Variants in ELOVL5 observed in about 807,000 individuals in gnomAD.
The protein encoded by ELOVL5 is ELOVL fatty acid elongase 5, also known as very long chain fatty acid elongase 5.
Under a neutral mutation model 38.6 loss-of-function variants are expected in ELOVL5, and 8 were observed. That is an observed-to-expected ratio of 0.21 (90% CI 0.12 to 0.37). The LOEUF (loss-of-function observed/expected upper bound fraction) is 0.37, where lower values mean the gene tolerates loss of function less well. ELOVL5 is among the 10% of genes least tolerant of loss of function. The pLI, the probability that ELOVL5 is intolerant of heterozygous loss-of-function variation, is 1.00. For synonymous variants in ELOVL5, 127 were observed against 133.7 expected, an observed-to-expected ratio of 0.95 and a Z score of 0.34; for missense variants, 280 against 367.8, an observed-to-expected ratio of 0.76 and a Z score of 1.95.
intron 3 of ELOVL5, chr6:53,277,608 A>G (rs1766189096): frequency 6.6e-6 from 1 of 152,258 alleles, no homozygotes; most frequent in African/African-American, 2.4e-5. Flanking sequence ...ACCACACAAC[A>G]AACTATTCTA....
intron 1 of ELOVL5, among the ~76,000 whole-genome samples, chr6:53,341,997 C>T (rs1769353092): frequency 1.3e-5 from 2 of 152,130 alleles, no homozygotes; most frequent in South Asian, 4.1e-4. Flanking sequence ...GGTGGAACCC[C>T]GCATAGGTGC....
rs150182111 is a variant in ELOVL5, at chr6:53,310,137, C to T, written c.-8-14430G>A. The stretch of plus-strand genomic sequence containing the variant: ...ATAATTAAGGCACCAATTACAAGCA[C>T]GGCCTAATAAAATATAAACCCTCCC... On this transcript the variant is annotated intron_variant, in intron 1 of 7. Transcript: ENST00000304434. Among the ~76,000 whole-genome samples the T allele has an allele frequency of 3.2e-3, 485 of 152,242 alleles. 2 individuals are homozygous for T. Among genetic ancestry groups the T allele is most frequent in the African/African-American group, 0.011 (467 of 41,526 alleles).
chr6:53,289,614 G>A (rs923497045), intron 3 of ELOVL5, among the ~76,000 whole-genome samples: 8 of 152,148 alleles, frequency 5.3e-5, no homozygotes, highest in Non-Finnish European at 1.0e-4. Flanking sequence ...CAGCTACTAG[G>A]GAGGCTGAGG....
intron 4 of ELOVL5, among the ~76,000 whole-genome samples, chr6:53,275,650 T>C (rs1766083213): frequency 6.6e-6 from 1 of 152,200 alleles, no homozygotes; most frequent in Non-Finnish European, 1.5e-5. Flanking sequence ...TTTCAGGGAC[T>C]AACATGGAGC....
chr6:53,296,129 C>G (rs1033313829), intron 1 of ELOVL5, among the ~76,000 whole-genome samples: 1 of 152,038 alleles, frequency 6.6e-6, no homozygotes, highest in Non-Finnish European at 1.5e-5. Flanking sequence ...AGTGACAAGA[C>G]AGTTTTTTCC....
intron 1 of ELOVL5, among the ~76,000 whole-genome samples, chr6:53,298,748 T>C (rs760973081): frequency 3.3e-5 from 5 of 152,056 alleles, no homozygotes; most frequent in Non-Finnish European, 7.4e-5. Context: ...GTGGAAACAA[T>C]CAATGTCCTG....
At position 53,283,008 on chromosome 6, in the gene ELOVL5, C is replaced by T. The variant is rs984766196; in HGVS notation, c.247-6752G>A. Among the ~76,000 whole-genome samples, 6 of 152,280 alleles carry T rather than the reference C, an allele frequency of 3.9e-5. No homozygotes were observed. In the South Asian group the frequency reaches 1.2e-3, roughly 32 times the overall value. ...CAGAGGTTAGAAAGCACAAACAAAG[C>T]ATTCAGTCACCAAATGCTCAACTTC... On this transcript the variant is annotated intron_variant, in intron 3 of 7. Coordinates refer to ENST00000304434, the MANE Select transcript of ELOVL5 (RefSeq NM_021814.5).
At chr6:53,321,220 A>G (rs994085293) in intron 1 of ELOVL5, among the ~76,000 whole-genome samples, 2 of 152,234 alleles carry the variant, frequency 1.3e-5, no homozygotes, top group African/African-American at 4.8e-5. Flanking sequence ...CTGCAGAGAC[A>G]TTTCCAAATA....
intron 1 of ELOVL5, among the ~76,000 whole-genome samples, chr6:53,297,798 A>G (rs1767072614): frequency 6.6e-6 from 1 of 152,078 alleles, no homozygotes; most frequent in Non-Finnish European, 1.5e-5. Context: ...GGGTACTAAT[A>G]TACTATATTC....
intron 3 of ELOVL5, 57 bp from the exon 4 acceptor site, chr6:53,276,313 T>C (rs1020506302): frequency 1.1e-5 from 12 of 1,115,502 alleles, no homozygotes; most frequent in African/African-American, 7.7e-5. Flanking sequence ...AAAGTCCTCA[T>C]TGAACTTTAT....
At chr6:53,304,549 A>G (rs1421673777) in intron 1 of ELOVL5, among the ~76,000 whole-genome samples, 1 of 152,192 alleles carries the variant, frequency 6.6e-6, no homozygotes, top group African/African-American at 2.4e-5. Context: ...GCAGGCAAAC[A>G]AGTGAACAAA....
intron 1 of ELOVL5, among the ~76,000 whole-genome samples, chr6:53,306,383 A>AGGG: frequency 5.0e-5 from 1 of 20,070 alleles, no homozygotes; most frequent in African/African-American, 1.4e-3. Context: ...GGGAGAGGGG[A>AGGG]GAGAGAGAGG....
At chr6:53,340,209 A>C (rs1475659906) in intron 1 of ELOVL5, among the ~76,000 whole-genome samples, 2 of 151,986 alleles carry the variant, frequency 1.3e-5, no homozygotes, top group Non-Finnish European at 2.9e-5. Flanking sequence ...AATAAGCTAC[A>C]GTTTATGTAT....
At chr6:53,311,269 A>T (rs969284418) in intron 1 of ELOVL5, among the ~76,000 whole-genome samples, 13 of 152,166 alleles carry the variant, frequency 8.5e-5, no homozygotes, top group African/African-American at 3.1e-4. Context: ...AGCTCTTTTT[A>T]AAAAAAGACC....
intron 1 of ELOVL5, among the ~76,000 whole-genome samples, chr6:53,329,737 T>A (rs945153173): frequency 1.3e-5 from 2 of 152,086 alleles, no homozygotes; most frequent in Admixed American, 1.3e-4. Context: ...GGCAGGAGAA[T>A]TGCTGGAACT....
At chr6:53,280,094 T>C (rs958109300) in intron 3 of ELOVL5, among the ~76,000 whole-genome samples, 1 of 152,218 alleles carries the variant, frequency 6.6e-6, no homozygotes, top group African/African-American at 2.4e-5. Context: ...TTTGGTCAAT[T>C]TCCCAGAAAT....
chr6:53,312,473 A>C (rs1767883418), intron 1 of ELOVL5, among the ~76,000 whole-genome samples: 1 of 152,258 alleles, frequency 6.6e-6, no homozygotes, highest in African/African-American at 2.4e-5. Flanking sequence ...ACAGAACTAT[A>C]AAGATAGAAA....
rs540070240 is a variant in ELOVL5 at position 53,280,923 on chromosome 6, G to A, written c.247-4667C>T. Among the ~76,000 whole-genome samples, 35 of 152,208 alleles carry A rather than the reference G, an allele frequency of 2.3e-4. No homozygotes were observed. The South Asian group carries it at 7.1e-3, about 31-fold the overall frequency. On this transcript the variant is annotated intron_variant, in intron 3 of 7. Coordinates refer to ENST00000304434, the MANE Select transcript of ELOVL5 (RefSeq NM_021814.5). Reference sequence around the variant, plus strand: ...AGTGAATCATTTTTAACGGTGAGTTGACTTTTCCCATCTAATAACACATTT... The same window carrying A: ...AGTGAATCATTTTTAACGGTGAGTTAACTTTTCCCATCTAATAACACATTT...
intron 1 of ELOVL5, among the ~76,000 whole-genome samples, chr6:53,296,691 T>C (rs1403858631): frequency 6.6e-6 from 1 of 152,224 alleles, no homozygotes; most frequent in Non-Finnish European, 1.5e-5. Context: ...TCTAAGATTC[T>C]ATAGCTCCCT....
Sources: allele counts gnomAD v4.1 joint callset (sites outside exome capture counted in the v4.1 genomes callset), GRCh38; gene constraint gnomAD v4.1.1; transcripts MANE v1.5; gene names NCBI Gene and HGNC (gene_info 2026-07-23, HGNC 2026-07-21).